Variants in DEPTOR observed in about 807,000 individuals in gnomAD.
DEPTOR encodes the protein DEP domain-containing mTOR-interacting protein.
Under a neutral mutation model 41.6 loss-of-function variants are expected in DEPTOR, and 41 were observed. The observed-to-expected ratio is 0.98, with a 90% confidence interval of 0.77 to 1.28. DEPTOR has a LOEUF of 1.28. Ranked by LOEUF, DEPTOR falls within the 50% of genes most tolerant of loss-of-function variation. The probability of loss-of-function intolerance (pLI) is 0.00; values close to 1 mark genes in which losing one functional copy is unlikely to be tolerated. For synonymous variants in DEPTOR, 195 were observed against 192.3 expected (o/e 1.01, Z -0.12); for missense variants, 514 against 527.9 (o/e 0.97, Z 0.26).
intron 1 of DEPTOR, among the ~76,000 whole-genome samples, chr8:119,903,844 A>G (rs1827625929): frequency 1.3e-5 from 2 of 152,050 alleles, no homozygotes; most frequent in African/African-American, 2.4e-5. Flanking sequence ...TGCATTTCGA[A>G]TTTGGTCTTC....
At chr8:120,028,192 G>A (rs2130161955) in intron 8 of DEPTOR, among the ~76,000 whole-genome samples, 1 of 151,644 alleles carries the variant, frequency 6.6e-6, no homozygotes. Flanking sequence ...GTCTTGCTCT[G>A]TCACCCAGGC....
intron 4 of DEPTOR, among the ~76,000 whole-genome samples, chr8:119,978,887 C>G (rs189308945): frequency 2.5e-4 from 38 of 152,214 alleles, no homozygotes; most frequent in Non-Finnish European, 3.4e-4. Context: ...ACATCTGGGT[C>G]GTCTTTTCTG....
chr8:119,904,940 C>A (rs532117189), intron 1 of DEPTOR, among the ~76,000 whole-genome samples: 1 of 150,012 alleles, frequency 6.7e-6, no homozygotes, highest in Non-Finnish European at 1.5e-5. Context: ...TACAGGCACA[C>A]GCTACCATGC....
chr8:120,030,971 A>G (rs1198781214), intron 8 of DEPTOR, among the ~76,000 whole-genome samples: 1 of 152,124 alleles, frequency 6.6e-6, no homozygotes, highest in African/African-American at 2.4e-5. Context: ...AGGCGTATGG[A>G]AAGTCCTATA....
chr8:120,041,055 G>C (rs1056519079), intron 8 of DEPTOR, among the ~76,000 whole-genome samples: 1 of 152,028 alleles, frequency 6.6e-6, no homozygotes. Context: ...TATTTTCAGG[G>C]ATAGTCAGAA....
chr8:119,917,967 T>C (rs548339399), intron 1 of DEPTOR, among the ~76,000 whole-genome samples: 1 of 152,324 alleles, frequency 6.6e-6, no homozygotes, highest in Admixed American at 6.5e-5. Flanking sequence ...AGCACTTAAT[T>C]CTTTACCTTG....
chr8:120,049,191 A>G (rs1042473790), intron 8 of DEPTOR, among the ~76,000 whole-genome samples: 21 of 152,032 alleles, frequency 1.4e-4, no homozygotes, highest in African/African-American at 3.4e-4. Flanking sequence ...GAAACTATAT[A>G]TGTCATTAAT....
intron 3 of DEPTOR, among the ~76,000 whole-genome samples, chr8:119,958,949 C>A (rs964910186): frequency 3.3e-5 from 5 of 152,078 alleles, no homozygotes; most frequent in African/African-American, 9.7e-5. Flanking sequence ...CTACTGTGTC[C>A]ATCTTTGCAT....
chr8:119,874,080 C>T, intron 1 of DEPTOR, 112 bp downstream of exon 1: 1 of 1,550,146 alleles, frequency 6.5e-7, no homozygotes, highest in Non-Finnish European at 8.7e-7. Flanking sequence ...GCGTGGGGCG[C>T]CGGAACGGCT....
At chr8:119,932,697 A>G (rs1018696459) in intron 3 of DEPTOR, among the ~76,000 whole-genome samples, 3 of 152,234 alleles carry the variant, frequency 2.0e-5, no homozygotes, top group Non-Finnish European at 4.4e-5. Flanking sequence ...CATTAAAGGC[A>G]CAGACACATG....
At chr8:119,915,550 G>A (rs138921644) in intron 1 of DEPTOR, among the ~76,000 whole-genome samples, 6 of 152,206 alleles carry the variant, frequency 3.9e-5, no homozygotes, top group East Asian at 1.9e-4. Context: ...CCACAGTGGC[G>A]CTCAACCAAT....
intron 1 of DEPTOR, among the ~76,000 whole-genome samples, chr8:119,905,696 A>C (rs1252156821): frequency 1.3e-5 from 2 of 150,132 alleles, no homozygotes; most frequent in Admixed American, 1.3e-4. Flanking sequence ...AGTGAAGTGC[A>C]GTGGTATGAT....
chr8:120,016,670 A>G (rs749312909), intron 8 of DEPTOR, among the ~76,000 whole-genome samples: 2 of 151,478 alleles, frequency 1.3e-5, no homozygotes, highest in African/African-American at 4.9e-5. Context: ...TGGCCTGAAC[A>G]TGGCTCACTG....
At chr8:120,000,680 G>A (rs1262235486) in intron 4 of DEPTOR, among the ~76,000 whole-genome samples, 1 of 151,826 alleles carries the variant, frequency 6.6e-6, no homozygotes, top group East Asian at 2.0e-4. Flanking sequence ...CCAGGCTGGT[G>A]TCAAACTCCT....
intron 8 of DEPTOR, among the ~76,000 whole-genome samples, chr8:120,044,837 G>A (rs1813131312): frequency 6.6e-6 from 1 of 152,156 alleles, no homozygotes; most frequent in South Asian, 2.1e-4. Context: ...ATTTTGAAAA[G>A]GATCCTGCCT....
At chr8:119,876,450 C>T (rs79073151) in intron 1 of DEPTOR, among the ~76,000 whole-genome samples, 1 of 152,150 alleles carries the variant, frequency 6.6e-6, no homozygotes, top group Non-Finnish European at 1.5e-5. Context: ...CCAGCCTGAC[C>T]AACATGGTGA....
intron 4 of DEPTOR, among the ~76,000 whole-genome samples, chr8:119,968,049 GGAA>G (rs893374890): frequency 6.6e-6 from 1 of 152,188 alleles, no homozygotes; most frequent in Non-Finnish European, 1.5e-5. Flanking sequence ...ACTGAGGAAA[GGAA>G]GATGGACAGG....
Position 120,022,157 on chromosome 8 carries a change from T to TAAAAAAAAA in DEPTOR, c.1101+13037_1101+13045dup, listed in dbSNP as rs34125548. Among the ~76,000 whole-genome samples the TAAAAAAAAA allele has an allele frequency of 4.8e-4, 45 of 93,720 alleles. 3 individuals carry two copies. The highest frequency in any genetic ancestry group is 1.3e-3 in the African/African-American group (34 of 25,266). 61.5% of individuals were successfully genotyped at this position (93,720 alleles called of 152,430 possible). On this transcript the variant is annotated intron_variant, in intron 8 of 8. Coordinates refer to ENST00000286234, the MANE Select transcript of DEPTOR (RefSeq NM_022783.4). ...TGGGTGACAGAGCGAGACCCCATCT[T>TAAAAAAAAA]AAAAAAAAAAAAAAAAAAAAAGATG...
intron 3 of DEPTOR, among the ~76,000 whole-genome samples, chr8:119,941,142 G>A (rs543395498): frequency 6.6e-6 from 1 of 152,062 alleles, no homozygotes; most frequent in Non-Finnish European, 1.5e-5. Flanking sequence ...GGGAGGCTGA[G>A]GTGGGTGGAT....
Sources: gnomAD v4.1 joint callset for allele counts (sites outside exome capture counted in the v4.1 genomes callset) on GRCh38, gnomAD v4.1.1 for gene constraint, MANE v1.5 for transcripts, NCBI Gene and HGNC (gene_info 2026-07-23, HGNC 2026-07-21) for gene names.